ADAMTSL1: variants seen among roughly 807,000 people sequenced by gnomAD.
ADAMTSL1 encodes ADAMTS-like protein 1.
A neutral mutation model predicts 201.8 loss-of-function variants in ADAMTSL1; 126 were observed. The ratio of observed to expected loss-of-function variants is 0.62; its 90% CI spans 0.54 to 0.72. The LOEUF (loss-of-function observed/expected upper bound fraction) is 0.72, where lower values mean the gene tolerates loss of function less well. Among genes scored for constraint, ADAMTSL1 ranks in the 30% least tolerant of loss-of-function variants. The pLI is 0.00. For synonymous variants in ADAMTSL1, 1,121 were observed against 903.4 expected (o/e 1.24, Z -4.32); for missense variants, 2,679 against 2,277.8 (o/e 1.18, Z -3.59).
At chr9:18,491,984 TAAATA>T (rs1322487132) in intron 1 of ADAMTSL1, among the ~76,000 whole-genome samples, 1 of 152,218 alleles carries the variant, frequency 6.6e-6, no homozygotes, top group African/African-American at 2.4e-5. Context: ...GTTTTTGAAG[TAAATA>T]CCTATTTAAC....
intron 1 of ADAMTSL1, among the ~76,000 whole-genome samples, chr9:18,119,058 C>G (rs909606613): frequency 2.0e-5 from 3 of 152,120 alleles, no homozygotes; most frequent in African/African-American, 7.2e-5. Context: ...AGTTACTTAA[C>G]CTACAATTTC....
intron 1 of ADAMTSL1, among the ~76,000 whole-genome samples, chr9:18,064,714 C>A (rs745517161): frequency 6.6e-6 from 1 of 151,984 alleles, no homozygotes. Context: ...TCTATAAAAT[C>A]TCATTGGCTT....
At chr9:17,963,864 T>A (rs1425603574) in intron 1 of ADAMTSL1, among the ~76,000 whole-genome samples, 3 of 152,266 alleles carry the variant, frequency 2.0e-5, no homozygotes, top group Non-Finnish European at 2.9e-5. Flanking sequence ...CCAAATTTTT[T>A]AAAAACGGAA....
chr9:18,855,889 T>G (rs1043855246), intron 23 of ADAMTSL1, among the ~76,000 whole-genome samples: 1 of 152,218 alleles, frequency 6.6e-6, no homozygotes, highest in African/African-American at 2.4e-5. Flanking sequence ...CAAGCCTGTG[T>G]GTCTGATGTC....
intron 2 of ADAMTSL1, among the ~76,000 whole-genome samples, chr9:18,334,805 G>GA (rs1362838708): frequency 6.6e-6 from 1 of 151,972 alleles, no homozygotes; most frequent in Non-Finnish European, 1.5e-5. Context: ...TCCATTATAA[G>GA]AAAAAAGGAA....
chr9:18,083,784 A>T (rs1312208325), intron 1 of ADAMTSL1, among the ~76,000 whole-genome samples: 5 of 152,230 alleles, frequency 3.3e-5, no homozygotes, highest in Admixed American at 2.6e-4. Flanking sequence ...TATTCCTGAT[A>T]CTAAAGTTAG....
At chr9:18,092,429 G>A (rs949917137) in intron 1 of ADAMTSL1, among the ~76,000 whole-genome samples, 10 of 152,308 alleles carry the variant, frequency 6.6e-5, no homozygotes, top group Non-Finnish European at 1.2e-4. Flanking sequence ...AGGGAAATGC[G>A]TGTACACACA....
At chr9:18,537,545 A>G (rs1050830248) in intron 3 of ADAMTSL1, among the ~76,000 whole-genome samples, 10 of 152,150 alleles carry the variant, frequency 6.6e-5, no homozygotes, top group African/African-American at 2.4e-4. Flanking sequence ...GACACTGTAA[A>G]GTACTTACGT....
At chr9:18,724,943 G>T (rs563138354) in intron 15 of ADAMTSL1, among the ~76,000 whole-genome samples, 2 of 149,794 alleles carry the variant, frequency 1.3e-5, no homozygotes, top group Admixed American at 6.7e-5. Context: ...GTCTCGCTCT[G>T]TTGCCCAGGC....
intron 1 of ADAMTSL1, among the ~76,000 whole-genome samples, chr9:17,953,791 G>C (rs1827825198): frequency 6.6e-6 from 1 of 152,172 alleles, no homozygotes; most frequent in Admixed American, 6.5e-5. Context: ...CCAAAGCTTA[G>C]TGGTTTAAAC....
At chr9:18,393,011 A>G (rs1286250023) in intron 2 of ADAMTSL1, among the ~76,000 whole-genome samples, 1 of 152,216 alleles carries the variant, frequency 6.6e-6, no homozygotes, top group Admixed American at 6.5e-5. Context: ...TATTCCAGGA[A>G]TAATGCTGTG....
intron 1 of ADAMTSL1, among the ~76,000 whole-genome samples, chr9:17,980,749 T>C (rs1206748786): frequency 6.6e-6 from 1 of 152,182 alleles, no homozygotes; most frequent in Non-Finnish European, 1.5e-5. Context: ...TATTTGTTGC[T>C]ATGGAGGAAT....
intron 2 of ADAMTSL1, among the ~76,000 whole-genome samples, chr9:18,175,544 C>T (rs543674273): frequency 6.6e-6 from 1 of 152,296 alleles, no homozygotes; most frequent in South Asian, 2.1e-4. Context: ...TTGCTTCTGA[C>T]AATATCCATT....
intron 4 of ADAMTSL1, among the ~76,000 whole-genome samples, chr9:18,594,991 G>A (rs371549053): frequency 2.0e-5 from 3 of 152,160 alleles, no homozygotes; most frequent in African/African-American, 7.2e-5. Flanking sequence ...TGACTATGGT[G>A]TTCCCTGAGT....
chr9:18,454,301 T>A (rs1820522541), intron 2 of ADAMTSL1, among the ~76,000 whole-genome samples: 1 of 152,136 alleles, frequency 6.6e-6, no homozygotes, highest in Non-Finnish European at 1.5e-5. Context: ...TCCCACTACA[T>A]GAAAGAGAGA....
intron 13 of ADAMTSL1, among the ~76,000 whole-genome samples, chr9:18,694,445 A>G (rs1021185149): frequency 1.3e-5 from 2 of 152,206 alleles, no homozygotes; most frequent in Admixed American, 6.5e-5. Flanking sequence ...CAAGTTAGTT[A>G]CTTCCAGGAT....
intron 1 of ADAMTSL1, among the ~76,000 whole-genome samples, chr9:17,976,024 C>G (rs1334216447): frequency 6.6e-6 from 1 of 152,024 alleles, no homozygotes; most frequent in Non-Finnish European, 1.5e-5. Context: ...AAGATTACTT[C>G]ACTGTATATG....
At position 18,518,146 on chromosome 9, in the gene ADAMTSL1, A is replaced by G. The variant is rs1818474276; in HGVS notation, c.191+13190A>G. ...AAAAAGTAAATAATTGTCAAAAAAT[A>G]TTTACTATTTTTTATTTTAGATTCA... On this transcript the variant is annotated intron_variant, in intron 2 of 28. Coordinates refer to ENST00000380548, the MANE Select transcript of ADAMTSL1 (RefSeq NM_001040272.6). 3.3e-5 allele frequency among the ~76,000 whole-genome samples: 5 copies of G among 152,228 alleles called. No homozygotes were observed. In the South Asian group the frequency reaches 1.0e-3, roughly 32 times the overall value.
At chr9:18,719,413 T>C (rs1052450302) in intron 14 of ADAMTSL1, among the ~76,000 whole-genome samples, 1 of 152,162 alleles carries the variant, frequency 6.6e-6, no homozygotes, top group Non-Finnish European at 1.5e-5. Context: ...AATGGTGTGA[T>C]CTCAGCTCAC....
Sources: gnomAD v4.1 joint callset for allele counts (sites outside exome capture counted in the v4.1 genomes callset) on GRCh38, gnomAD v4.1.1 for gene constraint, MANE v1.5 for transcripts, NCBI Gene and HGNC (gene_info 2026-07-23, HGNC 2026-07-21) for gene names.